Variants in RPS6KC1 observed in about 807,000 individuals in gnomAD.
RPS6KC1 encodes the protein inactive ribosomal protein S6 kinase delta-1.
Under a neutral mutation model 103.8 loss-of-function variants are expected in RPS6KC1, and 54 were observed. The ratio of observed to expected loss-of-function variants is 0.52; its 90% confidence interval spans 0.42 to 0.65. The LOEUF (loss-of-function observed/expected upper bound fraction) is 0.65, where lower values mean the gene tolerates loss of function less well. Ranked by LOEUF, RPS6KC1 falls within the 30% of genes least tolerant of loss-of-function variation. The pLI, the probability that RPS6KC1 is intolerant of heterozygous loss-of-function variation, is 0.00. For missense variants in RPS6KC1, 1,151 were observed against 1,253.8 expected, an observed-to-expected ratio of 0.92 and a Z score of 1.24; for synonymous variants, 439 against 438.7, an observed-to-expected ratio of 1.00 and a Z score of -0.01.
At chr1:213,334,139 G>GC in the RPS6KC1 span, among the ~76,000 whole-genome samples, 1 of 152,100 alleles carries the variant, frequency 6.6e-6, no homozygotes, top group Non-Finnish European at 1.5e-5. Context: ...CTGAGGTCAG[G>GC]CCCATGTTAA....
At chr1:213,605,912 A>G in the RPS6KC1 span, among the ~76,000 whole-genome samples, 1 of 152,202 alleles carries the variant, frequency 6.6e-6, no homozygotes, top group Admixed American at 6.5e-5. Context: ...CGCCGATTAC[A>G]GAATGAGGTT....
rs1227624180 is a variant in RPS6KC1, at chr1:213,229,517, AG to A, written c.1045-979del. 3.3e-5 allele frequency among the ~76,000 whole-genome samples: 5 copies of A among 152,302 alleles called. No individual in the cohort carries two copies. The South Asian group carries it at 8.3e-4, about 25-fold the overall frequency. Reference sequence around the variant, plus strand: ...TTGTTCTATAATGACAAAGTTGAAAAGCTGTAACAGAGACTGCATAGGCCTG... The same window carrying A: ...TTGTTCTATAATGACAAAGTTGAAAACTGTAACAGAGACTGCATAGGCCTG... On this transcript the variant is annotated intron_variant, in intron 8 of 14. Transcript: ENST00000366960.
the RPS6KC1 span, among the ~76,000 whole-genome samples, chr1:213,449,117 G>C: frequency 3.3e-5 from 5 of 152,098 alleles, no homozygotes; most frequent in African/African-American, 1.2e-4. Context: ...CAGCCTTCAG[G>C]CCAGAATTTC....
At chr1:213,307,060 GTTTT>G in the RPS6KC1 span, among the ~76,000 whole-genome samples, 1 of 130,468 alleles carries the variant, frequency 7.7e-6, no homozygotes, top group Non-Finnish European at 1.6e-5. Flanking sequence ...AAGGATGCAG[GTTTT>G]TTTTTTTTTT....
chr1:213,424,070 T>C, the RPS6KC1 span, among the ~76,000 whole-genome samples: 68 of 152,306 alleles, frequency 4.5e-4, no homozygotes, highest in Admixed American at 1.4e-3. Context: ...GGATTGTTCT[T>C]TTTTAGCTGT....
chr1:213,252,826 T>G (rs1248379270), intron 12 of RPS6KC1, among the ~76,000 whole-genome samples: 2 of 152,204 alleles, frequency 1.3e-5, no homozygotes. Context: ...GCCTTAAAAT[T>G]GGCCTATCAT....
chr1:213,633,984 G>A, the RPS6KC1 span, among the ~76,000 whole-genome samples: 2 of 146,830 alleles, frequency 1.4e-5, no homozygotes, highest in East Asian at 4.1e-4. Flanking sequence ...GACAAAGAAG[G>A]CCATTACATA....
At chr1:213,289,663 TG>T in the RPS6KC1 span, among the ~76,000 whole-genome samples, 4 of 152,206 alleles carry the variant, frequency 2.6e-5, no homozygotes, top group African/African-American at 9.6e-5. Flanking sequence ...TTGGCAGACT[TG>T]ACCAAGGAGG....
At chr1:213,590,842 ACTC>A in the RPS6KC1 span, among the ~76,000 whole-genome samples, 3 of 151,738 alleles carry the variant, frequency 2.0e-5, no homozygotes, top group Non-Finnish European at 4.4e-5. Flanking sequence ...CACACAGTCT[ACTC>A]CTTCTGTCTT....
chr1:213,715,104 G>A, the RPS6KC1 span, among the ~76,000 whole-genome samples: 1 of 152,196 alleles, frequency 6.6e-6, no homozygotes, highest in South Asian at 2.1e-4. Context: ...TTTAGGTCTA[G>A]GCAGTAAGGC....
intron 5 of RPS6KC1, chr1:213,125,737 T>G (rs2084920848): frequency 6.6e-6 from 1 of 151,880 alleles, no homozygotes; most frequent in Non-Finnish European, 1.5e-5. Flanking sequence ...GAATGTTTAT[T>G]TACTTAATCT....
At chr1:213,294,260 G>A in the RPS6KC1 span, among the ~76,000 whole-genome samples, 1 of 152,308 alleles carries the variant, frequency 6.6e-6, no homozygotes, top group East Asian at 1.9e-4. Flanking sequence ...ACCATCCATT[G>A]GATGAGAAAT....
At position 213,129,863 on chromosome 1, in the gene RPS6KC1, T is replaced by C. The variant is rs1330187754; in HGVS notation, c.809T>C (p.Val270Ala). Residue 270 changes from valine to alanine, a missense_variant, in exon 6 of 15, where the codon GTT (valine) becomes GCT (alanine). This residue lies in a region of RPS6KC1 where 959 missense variants were observed against 1,006.3 expected (regional missense o/e 0.95). Coordinates refer to ENST00000366960, the MANE Select transcript of RPS6KC1 (RefSeq NM_012424.6). ...EAASDFYRKG[V>A]DLLLEGVQGE... ...GCTTCTGATTTTTATAGGAAGGGAG[T>C]TGATTTACTCCTAGAAGGTGTTCAA... 1.9e-6 allele frequency: 3 copies of C among 1,608,214 alleles called. No individual in the cohort carries two copies. The highest frequency in any genetic ancestry group is 1.7e-5 in the Admixed American group (1 of 58,518).
At chr1:213,371,556 C>T in the RPS6KC1 span, among the ~76,000 whole-genome samples, 2 of 152,174 alleles carry the variant, frequency 1.3e-5, no homozygotes, top group Non-Finnish European at 2.9e-5. Flanking sequence ...TACGTTCCCA[C>T]CAACAGTGCA....
At chr1:213,756,274 A>C in the RPS6KC1 span, among the ~76,000 whole-genome samples, 1 of 152,236 alleles carries the variant, frequency 6.6e-6, no homozygotes, top group East Asian at 1.9e-4. Context: ...TGGATTCTGC[A>C]ATCTTAACTT....
At chr1:213,212,608 T>C (rs576320437) in intron 8 of RPS6KC1, among the ~76,000 whole-genome samples, 33 of 152,366 alleles carry the variant, frequency 2.2e-4, no homozygotes, top group African/African-American at 6.0e-4. Context: ...AGGAATGTAA[T>C]TGCTGGTTCA....
At chr1:213,507,827 A>G in the RPS6KC1 span, among the ~76,000 whole-genome samples, 1 of 152,222 alleles carries the variant, frequency 6.6e-6, no homozygotes, top group Non-Finnish European at 1.5e-5. Flanking sequence ...GAAACTGCAC[A>G]GAAGTGCAGC....
chr1:213,738,420 C>T, the RPS6KC1 span, among the ~76,000 whole-genome samples: 1 of 152,082 alleles, frequency 6.6e-6, no homozygotes, highest in African/African-American at 2.4e-5. Context: ...GTGGATGTAG[C>T]TGTGACAACT....
chr1:213,779,490 T>C, the RPS6KC1 span, among the ~76,000 whole-genome samples: 2 of 152,232 alleles, frequency 1.3e-5, no homozygotes, highest in Non-Finnish European at 2.9e-5. Context: ...TTTTCTTTCT[T>C]TTTCTTTTAA....
Sources: gnomAD v4.1 joint callset for allele counts (sites outside exome capture counted in the v4.1 genomes callset) on GRCh38, gnomAD v4.1.1 for gene constraint, gnomAD v4.1.1 regional missense constraint, MANE v1.5 for transcripts, NCBI Gene and HGNC (gene_info 2026-07-23, HGNC 2026-07-21) for gene names.